AJAP1: variants seen among roughly 807,000 people sequenced by gnomAD.
AJAP1 encodes the protein adherens junctions associated protein 1.
AJAP1 carries 5 observed loss-of-function variants against 35.0 expected under a neutral mutation model. The ratio of observed to expected loss-of-function variants is 0.14; its 90% CI spans 0.07 to 0.30. AJAP1 has a LOEUF of 0.30. AJAP1 is among the 10% of genes least tolerant of loss of function. The pLI is 1.00. For missense variants in AJAP1, 586 were observed against 571.0 expected, an observed-to-expected ratio of 1.03 and a Z score of -0.27; for synonymous variants, 284 against 249.3, an observed-to-expected ratio of 1.14 and a Z score of -1.31.
At chr1:4,760,013 C>G (rs535719682) in intron 2 of AJAP1, among the ~76,000 whole-genome samples, 1 of 152,304 alleles carries the variant, frequency 6.6e-6, no homozygotes, top group South Asian at 2.1e-4. Flanking sequence ...CTTCCTTCCC[C>G]CCAGCACTGG....
intron 1 of AJAP1, among the ~76,000 whole-genome samples, chr1:4,697,192 G>A (rs532267572): frequency 6.6e-6 from 1 of 152,192 alleles, no homozygotes; most frequent in South Asian, 2.1e-4. Flanking sequence ...GGCTGTATGT[G>A]TGCACCTGTG....
chr1:4,679,088 G>T (rs914880250), intron 1 of AJAP1, among the ~76,000 whole-genome samples: 5 of 152,172 alleles, frequency 3.3e-5, no homozygotes, highest in Non-Finnish European at 7.3e-5. Flanking sequence ...CCAAGACCTG[G>T]ACTCTGGGAG....
intron 2 of AJAP1, among the ~76,000 whole-genome samples, chr1:4,765,445 A>G (rs1641661944): frequency 6.6e-6 from 1 of 152,162 alleles, no homozygotes; most frequent in African/African-American, 2.4e-5. Flanking sequence ...ACTTGACCAG[A>G]GGGAATGTTA....
chr1:4,780,309 C>A (rs1411033612), intron 5 of AJAP1, among the ~76,000 whole-genome samples: 2 of 152,002 alleles, frequency 1.3e-5, no homozygotes, highest in African/African-American at 2.4e-5. Flanking sequence ...CGTCTCCCCC[C>A]ATCCCCTGGC....
rs1640575727 is a variant in AJAP1 at position 4,723,592 on chromosome 1, G to T, written c.829+10893G>T. Among the ~76,000 whole-genome samples, 1 of 152,156 alleles carries T rather than the reference G, an allele frequency of 6.6e-6. No individual in the cohort carries two copies. The highest frequency in any genetic ancestry group is 1.5e-5 in the Non-Finnish European group (1 of 68,026). Reference sequence around the variant, plus strand: ...ACATGAAAGAGGCCACTTTTGTGAGGTGGAGGCTGCTGGAGACGTGGTGAG... The same window carrying T: ...ACATGAAAGAGGCCACTTTTGTGAGTTGGAGGCTGCTGGAGACGTGGTGAG... On this transcript the variant is annotated intron_variant, in intron 2 of 5. Coordinates refer to ENST00000378191, the MANE Select transcript of AJAP1 (RefSeq NM_018836.4). The surrounding 1 kb of genome is among the most constrained non-coding windows in gnomAD (Gnocchi z 4.3).
intron 2 of AJAP1, among the ~76,000 whole-genome samples, chr1:4,762,377 G>C (rs1041344689): frequency 2.0e-5 from 3 of 152,228 alleles, no homozygotes; most frequent in Admixed American, 2.0e-4. Flanking sequence ...ACAACTTATG[G>C]TGGGAACTAG....
chr1:4,755,318 G>A (rs1641404175), intron 2 of AJAP1, among the ~76,000 whole-genome samples: 1 of 152,144 alleles, frequency 6.6e-6, no homozygotes, highest in African/African-American at 2.4e-5. Flanking sequence ...ACTCTCACAT[G>A]TCCCCCTCCT....
At chr1:4,737,698 G>A (rs445060) in intron 2 of AJAP1, among the ~76,000 whole-genome samples, 44,924 of 152,100 alleles carry the variant, frequency 0.3, 6,965 homozygotes, top group African/African-American at 0.35. Flanking sequence ...ATCAAGACTA[G>A]CCTGGGCAAC....
At chr1:4,772,206 G>A in intron 3 of AJAP1, 74 bp from the exon 4 acceptor site, 1 of 1,588,126 alleles carries the variant, frequency 6.3e-7, no homozygotes, top group Non-Finnish European at 8.6e-7. Flanking sequence ...AAGACCCACA[G>A]TGGAAGTCTG....
intron 1 of AJAP1, among the ~76,000 whole-genome samples, chr1:4,689,100 G>A (rs539018741): frequency 3.7e-4 from 57 of 152,210 alleles, no homozygotes; most frequent in Admixed American, 4.6e-4. Context: ...CGTAGCCTGC[G>A]GCTTCGGTCT....
At chr1:4,778,603 CTCTCTCTCTCTT>C (rs980048190) in intron 5 of AJAP1, among the ~76,000 whole-genome samples, 8 of 134,638 alleles carry the variant, frequency 5.9e-5, no homozygotes, top group African/African-American at 2.2e-4. Context: ...CTCTCTCTCT[CTCTCTCTCTCTT>C]CTCTCTGTCT....
At chr1:4,740,055 G>A (rs1009548354) in intron 2 of AJAP1, among the ~76,000 whole-genome samples, 3 of 152,142 alleles carry the variant, frequency 2.0e-5, no homozygotes, top group African/African-American at 7.2e-5. Flanking sequence ...TCAGAGAGAT[G>A]TGCGCATACC....
At chr1:4,778,127 T>G (rs1191706554) in intron 5 of AJAP1, among the ~76,000 whole-genome samples, 1 of 152,216 alleles carries the variant, frequency 6.6e-6, no homozygotes, top group East Asian at 1.9e-4. Flanking sequence ...TGCAGCCCAG[T>G]GGGGCCAGGC....
chr1:4,727,354 G>A (rs16839525), intron 2 of AJAP1, among the ~76,000 whole-genome samples: 3,797 of 152,308 alleles, frequency 0.025, 65 homozygotes, highest in Middle Eastern at 0.058. Flanking sequence ...CCAGCCCATT[G>A]CGTTTGCCTC....
At chr1:4,713,183 G>C (rs1312845062) in intron 2 of AJAP1, among the ~76,000 whole-genome samples, 1 of 152,228 alleles carries the variant, frequency 6.6e-6, no homozygotes, top group Non-Finnish European at 1.5e-5. Flanking sequence ...CGGGGGCAGG[G>C]TGCCTGCCAA....
chr1:4,685,393 C>A (rs921179704), intron 1 of AJAP1, among the ~76,000 whole-genome samples: 1 of 152,218 alleles, frequency 6.6e-6, no homozygotes, highest in Non-Finnish European at 1.5e-5. Context: ...TTTGATGGAA[C>A]AAGTGTCAAA....
intron 2 of AJAP1, among the ~76,000 whole-genome samples, chr1:4,728,852 G>A (rs1640733781): frequency 6.6e-6 from 1 of 152,152 alleles, no homozygotes; most frequent in South Asian, 2.1e-4. Context: ...CTGCCGATGG[G>A]CTCTCTGTCA....
chr1:4,736,038 A>G (rs1456242637), intron 2 of AJAP1, among the ~76,000 whole-genome samples: 1 of 152,212 alleles, frequency 6.6e-6, no homozygotes, highest in Non-Finnish European at 1.5e-5. Flanking sequence ...CCTGCGCCTT[A>G]CTTTCCTCAT....
rs1642087054 is a variant in AJAP1, at chr1:4,782,622, A to G, written c.*137A>G. 2.5e-6 allele frequency: 1 copy of G among 397,788 alleles called. No individual in the cohort carries two copies. Among genetic ancestry groups the G allele is most frequent in the Non-Finnish European group, 4.4e-6 (1 of 225,936 alleles). 24.6% of individuals were successfully genotyped at this position (397,788 alleles called of 1,614,324 possible). On this transcript the variant is annotated 3_prime_UTR_variant, in exon 6 of 6. Transcript: ENST00000378191. The surrounding 1 kb of genome is among the most constrained non-coding windows in gnomAD (Gnocchi z 5.3). ...ACAAAACCTAAAACTGAGCTATCTAAGGGGGAGGGTCCCCGCACCTACCAC... is the reference window on the plus strand; with the variant it reads ...ACAAAACCTAAAACTGAGCTATCTAGGGGGGAGGGTCCCCGCACCTACCAC...
Sources: allele counts gnomAD v4.1 joint callset (sites outside exome capture counted in the v4.1 genomes callset), GRCh38; gene constraint gnomAD v4.1.1; non-coding constraint Gnocchi (gnomAD v3.1); transcripts MANE v1.5; gene names NCBI Gene and HGNC (gene_info 2026-07-23, HGNC 2026-07-21).